The following BMPR2 variants were observed in gnomAD, a reference collection of about 807,000 sequenced individuals.
BMPR2 encodes bone morphogenetic protein receptor type-2.
BMPR2 carries 29 observed loss-of-function variants against 100.8 expected under a neutral mutation model. The observed-to-expected ratio is 0.29, with a 90% confidence interval of 0.21 to 0.39. The LOEUF is 0.39. BMPR2 is among the 10% of genes least tolerant of loss of function. The pLI is 1.00. For missense variants in BMPR2, 1,011 were observed against 1,274.5 expected (o/e 0.79, Z 3.15); for synonymous variants, 382 against 442.3 (o/e 0.86, Z 1.71).
At chr2:202,557,999 C>T (rs562407933) in intron 12 of BMPR2, among the ~76,000 whole-genome samples, 1 of 152,096 alleles carries the variant, frequency 6.6e-6, no homozygotes, top group African/African-American at 2.4e-5. Context: ...CTTAAAGATC[C>T]AGAGAAATTT....
chr2:202,385,965 G>T (rs1690418975), intron 1 of BMPR2, among the ~76,000 whole-genome samples: 1 of 152,034 alleles, frequency 6.6e-6, no homozygotes. Flanking sequence ...CCTATCTGTA[G>T]CATGAGCCAA....
At chr2:202,383,565 A>G (rs1159592398) in intron 1 of BMPR2, among the ~76,000 whole-genome samples, 2 of 151,848 alleles carry the variant, frequency 1.3e-5, no homozygotes, top group Non-Finnish European at 2.9e-5. Flanking sequence ...CTGTAATCCC[A>G]GCTACTCGGG....
At chr2:202,534,531 C>A (rs1201422222) in intron 9 of BMPR2, among the ~76,000 whole-genome samples, 12 of 152,130 alleles carry the variant, frequency 7.9e-5, no homozygotes, top group Non-Finnish European at 1.5e-4. Context: ...ATCCATTTAA[C>A]CCTGAGTGGG....
At chr2:202,530,763 C>G in intron 7 of BMPR2, 31 bp from the exon 8 acceptor site, 1 of 1,558,386 alleles carries the variant, frequency 6.4e-7, no homozygotes, top group Non-Finnish European at 8.8e-7. Flanking sequence ...CCCTTTTATT[C>G]ATTGATAAAT....
intron 3 of BMPR2, among the ~76,000 whole-genome samples, chr2:202,508,561 A>G (rs1687568707): frequency 1.3e-5 from 2 of 152,238 alleles, no homozygotes; most frequent in Admixed American, 6.5e-5. Flanking sequence ...TTGATTGTTA[A>G]CTCTGGCAGA....
At chr2:202,444,115 A>G (rs943494856) in intron 1 of BMPR2, among the ~76,000 whole-genome samples, 1 of 150,728 alleles carries the variant, frequency 6.6e-6, no homozygotes, top group African/African-American at 2.5e-5. Flanking sequence ...TTATGGCCCT[A>G]AAGAAAGAGA....
chr2:202,559,592 G>A, intron 12 of BMPR2, 104 bp from the exon 13 acceptor site: 1 of 1,242,326 alleles, frequency 8.0e-7, no homozygotes, highest in Non-Finnish European at 1.2e-6. Context: ...ATGTTCATTA[G>A]CACCCTCCTG....
intron 1 of BMPR2, among the ~76,000 whole-genome samples, chr2:202,441,909 A>T (rs1691755537): frequency 6.9e-6 from 1 of 145,746 alleles, no homozygotes; most frequent in African/African-American, 2.7e-5. Flanking sequence ...GGCAGGTGCC[A>T]GTAATCCCAG....
At chr2:202,549,199 TATA>T (rs764433754) in intron 10 of BMPR2, among the ~76,000 whole-genome samples, 4 of 152,112 alleles carry the variant, frequency 2.6e-5, no homozygotes, top group Non-Finnish European at 5.9e-5. Flanking sequence ...AACTATTAGT[TATA>T]ATTATTCATG....
chr2:202,452,476 C>T (rs1692009456), intron 1 of BMPR2, among the ~76,000 whole-genome samples: 1 of 151,940 alleles, frequency 6.6e-6, no homozygotes. Context: ...TTTTGGTTTT[C>T]ATTAATAAAA....
At chr2:202,431,238 G>T (rs546571238) in intron 1 of BMPR2, among the ~76,000 whole-genome samples, 2 of 150,694 alleles carry the variant, frequency 1.3e-5, no homozygotes, top group South Asian at 4.2e-4. Context: ...AGAAAGCATG[G>T]TATAAAGATA....
At chr2:202,510,168 C>T (rs1687592650) in intron 3 of BMPR2, among the ~76,000 whole-genome samples, 1 of 152,124 alleles carries the variant, frequency 6.6e-6, no homozygotes, top group Admixed American at 6.5e-5. Context: ...CCTATAATCC[C>T]AGCACTTTGG....
intron 3 of BMPR2, among the ~76,000 whole-genome samples, chr2:202,472,585 G>A (rs1467576286): frequency 6.6e-6 from 1 of 152,234 alleles, no homozygotes; most frequent in African/African-American, 2.4e-5. Context: ...CTTGAACCCA[G>A]GAAGCAGAGA....
intron 3 of BMPR2, among the ~76,000 whole-genome samples, chr2:202,492,990 G>A (rs1692939167): frequency 6.6e-6 from 1 of 152,108 alleles, no homozygotes. Flanking sequence ...CTTTCACTTT[G>A]ATAGTCAAAT....
At chr2:202,412,273 C>T (rs1691027682) in intron 1 of BMPR2, among the ~76,000 whole-genome samples, 1 of 152,050 alleles carries the variant, frequency 6.6e-6, no homozygotes. Context: ...AACAAAGAAA[C>T]AAAACGAAAT....
chr2:202,412,612 C>G (rs1691037140), intron 1 of BMPR2, among the ~76,000 whole-genome samples: 1 of 152,168 alleles, frequency 6.6e-6, no homozygotes, highest in Non-Finnish European at 1.5e-5. Flanking sequence ...AGCCACCGTG[C>G]CCGGCCGTTT....
intron 3 of BMPR2, among the ~76,000 whole-genome samples, chr2:202,492,282 T>C (rs1692917829): frequency 6.6e-6 from 1 of 152,106 alleles, no homozygotes; most frequent in African/African-American, 2.4e-5. Flanking sequence ...AGTGTTTGCT[T>C]CATCATGATT....
chr2:202,565,855 C>T lies in BMPR2; in HGVS notation c.*5909C>T, dbSNP rs940557986. The T allele has an allele frequency of 6.6e-6, 1 of 152,084 alleles. No individual in the cohort carries two copies. The highest frequency in any genetic ancestry group is 2.4e-5 in the African/African-American group (1 of 41,418). The allele number at this position is 152,084 out of a possible 1,614,324, so 9.4% of individuals were successfully genotyped here. ...GTTGAGTGTGCATATAGAGAAAAAC[C>T]TAGAAATTTATCTCATGGCAGATAC... On this transcript the variant is annotated 3_prime_UTR_variant, in exon 13 of 13. Transcript: ENST00000374580.
chr2:202,520,127 G>T lies in BMPR2; in HGVS notation c.893G>T (p.Trp298Leu). Residue 298 changes from tryptophan (W) to leucine (L), a missense_variant, in exon 7 of 13, where the codon TGG becomes TTG. Physicochemically the swap from Trp to Leu is moderately conservative, Grantham distance 61. Coordinates refer to ENST00000374580, the MANE Select transcript of BMPR2 (RefSeq NM_001204.7). Reference sequence around the variant, plus strand: ...TATTTAAGTCTCCACACAAGTGACTGGGTAAGCTCTTGCCGTCTTGCTCAT... The same window carrying T: ...TATTTAAGTCTCCACACAAGTGACTTGGTAAGCTCTTGCCGTCTTGCTCAT... Reference protein sequence around the residue: ...CKYLSLHTSDWVSSCRLAHSV... With the variant: ...CKYLSLHTSDLVSSCRLAHSV... 1 of 1,612,720 alleles carries T rather than the reference G, an allele frequency of 6.2e-7. No individual in the cohort carries two copies. The highest frequency in any genetic ancestry group is 8.5e-7 in the Non-Finnish European group (1 of 1,179,864).
Sources: allele counts gnomAD v4.1 joint callset (sites outside exome capture counted in the v4.1 genomes callset), GRCh38; gene constraint gnomAD v4.1.1; transcripts MANE v1.5; gene names NCBI Gene and HGNC (gene_info 2026-07-23, HGNC 2026-07-21).